DPP6: variants seen among roughly 807,000 people sequenced by gnomAD.
DPP6 encodes the protein dipeptidyl peptidase like 6, also known as A-type potassium channel modulatory protein DPP6.
In DPP6, 69 loss-of-function variants were observed where a neutral mutation model predicts 122.6. The ratio of observed to expected loss-of-function variants is 0.56; its 90% CI spans 0.46 to 0.69. DPP6 has a LOEUF of 0.69. Ranked by LOEUF, DPP6 falls within the 30% of genes least tolerant of loss-of-function variation. DPP6 has a pLI of 0.00. For missense variants in DPP6, 928 were observed against 1,116.9 expected (o/e 0.83, Z 2.41); for synonymous variants, 418 against 433.1 (o/e 0.97, Z 0.43).
intron 7 of DPP6, among the ~76,000 whole-genome samples, chr7:154,722,002 CA>C (rs34504657): frequency 0.22 from 28,160 of 128,508 alleles, 3,263 homozygotes; most frequent in Middle Eastern, 0.31. Context: ...CCATCTCTAC[CA>C]AAAAAAAAAA....
intron 1 of DPP6, among the ~76,000 whole-genome samples, chr7:154,290,215 A>G (rs1805115846): frequency 6.6e-6 from 1 of 152,168 alleles, no homozygotes; most frequent in South Asian, 2.1e-4. Context: ...GAAAATGATC[A>G]AATTGTAATT....
chr7:154,291,184 C>A (rs907615836), intron 1 of DPP6, among the ~76,000 whole-genome samples: 4 of 152,180 alleles, frequency 2.6e-5, no homozygotes, highest in African/African-American at 9.7e-5. Context: ...CTGTTAGGAC[C>A]TATTGGGACC....
chr7:154,637,777 C>T, intron 5 of DPP6, 44 bp from the exon 6 acceptor site: 3 of 1,535,916 alleles, frequency 2.0e-6, no homozygotes, highest in Non-Finnish European at 2.6e-6. Context: ...ATCGTAACAG[C>T]CTTTGTCTCA....
At chr7:154,630,361 G>T (rs945725630) in intron 5 of DPP6, among the ~76,000 whole-genome samples, 1 of 152,212 alleles carries the variant, frequency 6.6e-6, no homozygotes, top group African/African-American at 2.4e-5. Flanking sequence ...AAAACGTGGT[G>T]TAAATTTAAG....
chr7:154,271,478 G>A (rs944415564), intron 1 of DPP6, among the ~76,000 whole-genome samples: 1 of 152,204 alleles, frequency 6.6e-6, no homozygotes, highest in Admixed American at 6.5e-5. Flanking sequence ...GCCAGCAGTG[G>A]TAATGAGGAC....
At chr7:154,081,555 A>G (rs1804012150) in intron 1 of DPP6, among the ~76,000 whole-genome samples, 1 of 146,460 alleles carries the variant, frequency 6.8e-6, no homozygotes, top group Admixed American at 6.8e-5. Context: ...GGGAGCGGTC[A>G]CTGTGGCATG....
intron 1 of DPP6, among the ~76,000 whole-genome samples, chr7:154,122,469 C>T (rs886433844): frequency 2.0e-5 from 3 of 152,120 alleles, no homozygotes; most frequent in African/African-American, 4.8e-5. Context: ...TAAAATAAAC[C>T]GAAGTTACTA....
At chr7:154,507,853 G>A (rs953433058) in intron 3 of DPP6, among the ~76,000 whole-genome samples, 2 of 152,072 alleles carry the variant, frequency 1.3e-5, no homozygotes, top group African/African-American at 4.8e-5. Context: ...TCCCCAGAAT[G>A]TTCTATGCTT....
intron 1 of DPP6, among the ~76,000 whole-genome samples, chr7:154,297,207 G>A (rs572086910): frequency 6.6e-6 from 1 of 152,124 alleles, no homozygotes; most frequent in East Asian, 1.9e-4. Context: ...CTGTAGACCA[G>A]GGGTGGGCAA....
At chr7:153,843,155 C>G in the DPP6 span, among the ~76,000 whole-genome samples, 1 of 152,092 alleles carries the variant, frequency 6.6e-6, no homozygotes, top group Non-Finnish European at 1.5e-5. Context: ...CGTGCATGCA[C>G]ATATGTGCAT....
intron 1 of DPP6, among the ~76,000 whole-genome samples, chr7:153,998,143 A>G (rs1042722769): frequency 4.6e-5 from 7 of 152,016 alleles, no homozygotes; most frequent in Admixed American, 2.0e-4. Context: ...AAAAGAGGTT[A>G]CAGTCCAAGT....
At chr7:154,658,163 C>G (rs1474059266) in intron 6 of DPP6, among the ~76,000 whole-genome samples, 1 of 152,164 alleles carries the variant, frequency 6.6e-6, no homozygotes, top group Non-Finnish European at 1.5e-5. Flanking sequence ...AGGGTGAACC[C>G]TAATGTCAGC....
At chr7:154,610,058 C>A (rs138040073) in intron 5 of DPP6, among the ~76,000 whole-genome samples, 1 of 152,128 alleles carries the variant, frequency 6.6e-6, no homozygotes, top group African/African-American at 2.4e-5. Flanking sequence ...ATGTTGTATG[C>A]GGTGTGTTAG....
At chr7:153,958,447 G>A (rs980683549) in intron 1 of DPP6, among the ~76,000 whole-genome samples, 5 of 152,076 alleles carry the variant, frequency 3.3e-5, no homozygotes, top group South Asian at 2.1e-4. Flanking sequence ...TCAGTCACTC[G>A]ACCATGCCCA....
At chr7:154,371,358 G>C (rs1442032966) in intron 1 of DPP6, among the ~76,000 whole-genome samples, 11 of 93,290 alleles carry the variant, frequency 1.2e-4, no homozygotes, top group Admixed American at 5.6e-4. Flanking sequence ...CAGCCTGGGA[G>C]ACAGAGTGAA....
chr7:154,564,915 T>G (rs1006993840), intron 4 of DPP6, among the ~76,000 whole-genome samples: 2 of 149,370 alleles, frequency 1.3e-5, no homozygotes, highest in African/African-American at 5.1e-5. Flanking sequence ...CCTTTTCTGT[T>G]GTTCTATTTG....
chr7:153,924,664 G>A (rs545153362), intron 1 of DPP6, among the ~76,000 whole-genome samples: 6 of 152,296 alleles, frequency 3.9e-5, no homozygotes, highest in South Asian at 2.1e-4. Context: ...TGGTCGTGGC[G>A]GTTGGTCTTT....
chr7:154,638,905 A>G (rs780079529), intron 6 of DPP6, among the ~76,000 whole-genome samples: 3 of 151,402 alleles, frequency 2.0e-5, no homozygotes, highest in Non-Finnish European at 2.9e-5. Context: ...TGTGGTTTCT[A>G]CTGTCATGCT....
At chr7:154,010,170 A>C (rs992076892) in intron 1 of DPP6, among the ~76,000 whole-genome samples, 12 of 152,176 alleles carry the variant, frequency 7.9e-5, no homozygotes, top group Non-Finnish European at 1.3e-4. Flanking sequence ...TCTTTAGTCA[A>C]AAGCCTCTAA....
Sources: gnomAD v4.1 joint callset for allele counts (sites outside exome capture counted in the v4.1 genomes callset) on GRCh38, gnomAD v4.1.1 for gene constraint, MANE v1.5 for transcripts, NCBI Gene and HGNC (gene_info 2026-07-23, HGNC 2026-07-21) for gene names.